LRRC37A2: variants seen among roughly 807,000 people sequenced by gnomAD.
LRRC37A2 encodes leucine-rich repeat-containing protein 37A2.
LRRC37A2 carries 9 observed loss-of-function variants against 68.8 expected under a neutral mutation model. The observed-to-expected ratio is 0.13, with a 90% CI of 0.08 to 0.23. LRRC37A2 has a LOEUF of 0.23. Among genes scored for constraint, LRRC37A2 ranks in the 10% least tolerant of loss-of-function variants. The pLI is 1.00. For synonymous variants in LRRC37A2, 63 were observed against 367.6 expected, an observed-to-expected ratio of 0.17 and a Z score of 9.48; for missense variants, 168 against 950.4, an observed-to-expected ratio of 0.18 and a Z score of 10.82.
the LRRC37A2 span, among the ~76,000 whole-genome samples, chr17:46,903,841 A>G: frequency 6.9e-6 from 1 of 144,524 alleles, no homozygotes; most frequent in African/African-American, 2.6e-5. Context: ...AGATGAGTGG[A>G]TGATGGATAG....
chr17:46,678,814 A>G, the LRRC37A2 span, among the ~76,000 whole-genome samples: 4 of 132,144 alleles, frequency 3.0e-5, no homozygotes, highest in Non-Finnish European at 3.2e-5. Flanking sequence ...CTGTCTTCTC[A>G]ATAGAAATGA....
chr17:46,770,575 TCA>T, the LRRC37A2 span, among the ~76,000 whole-genome samples: 2 of 152,114 alleles, frequency 1.3e-5, no homozygotes. Flanking sequence ...TTTCTCGGTC[TCA>T]GTCGCCCTTT....
the LRRC37A2 span, among the ~76,000 whole-genome samples, chr17:47,034,491 A>G: frequency 6.6e-6 from 1 of 152,160 alleles, no homozygotes. Flanking sequence ...CTATCAAGAA[A>G]GAGGGAAGGT....
At chr17:46,884,826 G>T in the LRRC37A2 span, among the ~76,000 whole-genome samples, 1,454 of 152,240 alleles carry the variant, frequency 9.6e-3, 17 homozygotes, top group African/African-American at 0.034. Context: ...GGATTGGGAG[G>T]TCTGGGAAGG....
chr17:46,404,369 GA>G, the LRRC37A2 span, among the ~76,000 whole-genome samples: 1 of 108,658 alleles, frequency 9.2e-6, no homozygotes, highest in Non-Finnish European at 2.1e-5. Flanking sequence ...TTTTTTTAGG[GA>G]AACCTTAGCA....
chr17:46,894,314 C>T, the LRRC37A2 span, among the ~76,000 whole-genome samples: 1 of 152,204 alleles, frequency 6.6e-6, no homozygotes, highest in Non-Finnish European at 1.5e-5. Flanking sequence ...GAGTCCCTTT[C>T]CTTCTCTGGG....
chr17:46,821,548 C>CCCT, the LRRC37A2 span, among the ~76,000 whole-genome samples: 1 of 152,122 alleles, frequency 6.6e-6, no homozygotes, highest in Admixed American at 6.5e-5. Flanking sequence ...GTTAAATTCA[C>CCCT]TCCAAGACCA....
chr17:47,001,245 G>T, the LRRC37A2 span, among the ~76,000 whole-genome samples: 5 of 152,154 alleles, frequency 3.3e-5, no homozygotes, highest in Admixed American at 2.6e-4. Context: ...AGGGAGCACA[G>T]AGCAAGGAAT....
At chr17:46,818,455 C>G in the LRRC37A2 span, 1 of 1,530,000 alleles carries the variant, frequency 6.5e-7, no homozygotes, top group Admixed American at 1.9e-5. Flanking sequence ...CCAGCCGGCG[C>G]CCCCACCTTC....
the LRRC37A2 span, among the ~76,000 whole-genome samples, chr17:46,819,595 C>T: frequency 6.6e-6 from 1 of 152,154 alleles, no homozygotes; most frequent in Non-Finnish European, 1.5e-5. This position sits in a 1 kb window ranked among gnomAD's most constrained non-coding sequence, Gnocchi z 5.3. Flanking sequence ...CGGCCCAGGT[C>T]CTTGGAAGAC....
chr17:46,891,589 C>T, the LRRC37A2 span, among the ~76,000 whole-genome samples: 1 of 152,224 alleles, frequency 6.6e-6, no homozygotes, highest in Admixed American at 6.5e-5. Context: ...CCTCCCAAAG[C>T]TATCAGTTCA....
chr17:46,987,598 A>G, the LRRC37A2 span, among the ~76,000 whole-genome samples: 46 of 152,274 alleles, frequency 3.0e-4, no homozygotes, highest in Admixed American at 2.6e-3. Flanking sequence ...AGACAAGGCA[A>G]AAGGCCCCGA....
the LRRC37A2 span, among the ~76,000 whole-genome samples, chr17:46,727,435 T>C: frequency 1.3e-5 from 2 of 152,172 alleles, no homozygotes; most frequent in African/African-American, 4.8e-5. Context: ...CATCTGAAAA[T>C]ACTACCCAGT....
chr17:46,734,475 C>T, the LRRC37A2 span, among the ~76,000 whole-genome samples: 148,400 of 152,234 alleles, frequency 0.97, 72,422 homozygotes, highest in East Asian at 1. Context: ...ATTTATAATA[C>T]TCTCTTTAGG....
chr17:46,680,721 AT>A, the LRRC37A2 span, among the ~76,000 whole-genome samples: 3 of 83,338 alleles, frequency 3.6e-5, no homozygotes, highest in Non-Finnish European at 7.1e-5. Flanking sequence ...ATCCTCTATA[AT>A]AAATTCTCTA....
the LRRC37A2 span, among the ~76,000 whole-genome samples, chr17:47,022,166 C>CTTT: frequency 3.5e-3 from 56 of 15,846 alleles, 10 homozygotes; most frequent in East Asian, 0.015. Context: ...CCTTTTTGTT[C>CTTT]TCTTTTTTTT....
At chr17:46,987,126 C>G in the LRRC37A2 span, among the ~76,000 whole-genome samples, 1 of 152,168 alleles carries the variant, frequency 6.6e-6, no homozygotes, top group African/African-American at 2.4e-5. Flanking sequence ...GCCTATAATC[C>G]CAGCTACTCA....
At chr17:46,938,319 C>CAT in the LRRC37A2 span, among the ~76,000 whole-genome samples, 63 of 152,114 alleles carry the variant, frequency 4.1e-4, no homozygotes, top group Non-Finnish European at 7.1e-4. Context: ...AAGAGAGATA[C>CAT]ATATATATAA....
chr17:46,890,494 G>A, the LRRC37A2 span, among the ~76,000 whole-genome samples: 7 of 152,118 alleles, frequency 4.6e-5, no homozygotes, highest in East Asian at 1.9e-4. Flanking sequence ...CAGGACCCTC[G>A]AGGTAGACTC....
Sources: gnomAD v4.1 joint callset for allele counts (sites outside exome capture counted in the v4.1 genomes callset) on GRCh38, gnomAD v4.1.1 for gene constraint, Gnocchi (gnomAD v3.1) non-coding constraint, MANE v1.5 for transcripts, NCBI Gene and HGNC (gene_info 2026-07-23, HGNC 2026-07-21) for gene names.